Variants in MAGI3 observed in about 807,000 individuals in gnomAD.
MAGI3 encodes membrane associated guanylate kinase, WW and PDZ domain containing 3, also known as membrane-associated guanylate kinase, WW and PDZ domain-containing protein 3.
In MAGI3, 43 loss-of-function variants were observed where a neutral mutation model predicts 121.8. That is an observed-to-expected ratio of 0.35 (90% confidence interval 0.28 to 0.46). The LOEUF (loss-of-function observed/expected upper bound fraction) is 0.46, where lower values mean the gene tolerates loss of function less well. Ranked by LOEUF, MAGI3 falls within the 20% of genes least tolerant of loss-of-function variation. MAGI3 has a pLI of 1.00. For missense variants in MAGI3, 1,547 were observed against 1,797.3 expected, an observed-to-expected ratio of 0.86 and a Z score of 2.52; for synonymous variants, 553 against 639.3, an observed-to-expected ratio of 0.86 and a Z score of 2.04.
rs540266030 is a variant in MAGI3, at chr1:113,637,131, G to A, written c.1361-4780G>A. Among the ~76,000 whole-genome samples, 250 of 152,170 alleles carry A rather than the reference G, an allele frequency of 1.6e-3. 2 individuals carry two copies. The highest frequency in any genetic ancestry group is 5.0e-3 in the African/African-American group (208 of 41,528). ...TTTGAGTCTATGTGTGTCTCTGCACGTGAGATGGGTTTCCTGAATACAGCA... is the reference window on the plus strand; with the variant it reads ...TTTGAGTCTATGTGTGTCTCTGCACATGAGATGGGTTTCCTGAATACAGCA... On this transcript the variant is annotated intron_variant, in intron 9 of 20. Transcript: ENST00000307546.
chr1:113,560,679 T>A (rs1660197724), intron 2 of MAGI3, among the ~76,000 whole-genome samples: 1 of 151,848 alleles, frequency 6.6e-6, no homozygotes, highest in African/African-American at 2.4e-5. Context: ...AGATCTCAAG[T>A]TAACAACCTA....
chr1:113,633,237 CATTTTTTTTTTTTTTTTTTTTT>C (rs1651766651), intron 9 of MAGI3, among the ~76,000 whole-genome samples: 1 of 91,960 alleles, frequency 1.1e-5, no homozygotes, highest in African/African-American at 4.1e-5. Flanking sequence ...ATGAACTCAT[CATTTTTTTTTTTTTTTTTTTTT>C]TTTTTTTTTT....
At chr1:113,598,773 C>G (rs557775800) in intron 6 of MAGI3, among the ~76,000 whole-genome samples, 1 of 152,154 alleles carries the variant, frequency 6.6e-6, no homozygotes, top group East Asian at 1.9e-4. Context: ...ATCATTGGAG[C>G]AGAAAATCAG....
intron 1 of MAGI3, among the ~76,000 whole-genome samples, chr1:113,460,840 T>A (rs1478532463): frequency 1.3e-5 from 2 of 150,104 alleles, no homozygotes; most frequent in African/African-American, 4.9e-5. Context: ...CCCCATAGGC[T>A]CAGCTTGAAA....
intron 1 of MAGI3, among the ~76,000 whole-genome samples, chr1:113,434,951 T>C (rs1653492101): frequency 6.6e-6 from 1 of 152,184 alleles, no homozygotes; most frequent in Admixed American, 6.5e-5. Context: ...CCTTTTAATG[T>C]TATATTCTTG....
rs142390890 is a variant in MAGI3, at chr1:113,393,482, T to G, written c.316+2133T>G. 8.4e-4 allele frequency among the ~76,000 whole-genome samples: 128 copies of G among 152,354 alleles called. 1 individual carries two copies. The East Asian group carries it at 0.023, about 27-fold the overall frequency. On this transcript the variant is annotated intron_variant, in intron 1 of 20. Coordinates refer to ENST00000307546, the MANE Select transcript of MAGI3 (RefSeq NM_001142782.2). The stretch of plus-strand genomic sequence containing the variant: ...TTCTAAGCAGGTTGTAATTTAAAAT[T>G]TTTAATCTCTTTTAAAAATAGTATT...
chr1:113,425,303 G>A (rs1314980685), intron 1 of MAGI3, among the ~76,000 whole-genome samples: 2 of 75,380 alleles, frequency 2.7e-5, no homozygotes, highest in Non-Finnish European at 4.7e-5. Context: ...TTTTTTTTGA[G>A]ACGGAGCCTT....
chr1:113,610,350 C>T lies in MAGI3; in HGVS notation c.1019-4251C>T, dbSNP rs17013328. On this transcript the variant is annotated intron_variant, in intron 6 of 20. Coordinates refer to ENST00000307546, the MANE Select transcript of MAGI3 (RefSeq NM_001142782.2). ...GATGATTCTTACTTTCTCCATCTGCCGCTTAAAATGTTAGTGCTCCTAAGG... is the reference window on the plus strand; with the variant it reads ...GATGATTCTTACTTTCTCCATCTGCTGCTTAAAATGTTAGTGCTCCTAAGG... Among the ~76,000 whole-genome samples, 1,335 of 152,240 alleles carry T rather than the reference C, an allele frequency of 8.8e-3. 21 individuals carry two copies. The highest frequency in any genetic ancestry group is 0.03 in the African/African-American group (1,252 of 41,548).
intron 17 of MAGI3, 97 bp from the exon 18 acceptor site, chr1:113,672,518 G>C: frequency 7.3e-7 from 1 of 1,366,754 alleles, no homozygotes; most frequent in Admixed American, 2.4e-5. Context: ...AGGGAAAATG[G>C]CAAGGTCGAG....
intron 1 of MAGI3, among the ~76,000 whole-genome samples, chr1:113,393,400 TG>T: frequency 6.6e-6 from 1 of 152,326 alleles, no homozygotes; most frequent in East Asian, 1.9e-4. Flanking sequence ...AGAGACACTT[TG>T]TGTCAGTAAT....
At chr1:113,602,952 G>GTATGTGTATGTATACACATATATATA (rs1240001035) in intron 6 of MAGI3, among the ~76,000 whole-genome samples, 19 of 151,618 alleles carry the variant, frequency 1.3e-4, no homozygotes, top group African/African-American at 9.7e-5. Flanking sequence ...CAAAGTGTGT[G>GTATGTGTATGTATACACATATATATA]TATGTGTATG....
chr1:113,575,377 T>C (rs2101710537), intron 2 of MAGI3, among the ~76,000 whole-genome samples: 1 of 152,092 alleles, frequency 6.6e-6, no homozygotes, highest in Admixed American at 6.5e-5. Context: ...GGTTTTTGGG[T>C]GAGCGTCCTT....
At chr1:113,652,547 A>G (rs1053892600) in intron 14 of MAGI3, among the ~76,000 whole-genome samples, 14 of 152,150 alleles carry the variant, frequency 9.2e-5, no homozygotes, top group Non-Finnish European at 1.5e-4. Context: ...TTACAGTAAA[A>G]TTGTGATGTT....
chr1:113,531,105 C>A (rs1658697790), intron 1 of MAGI3, among the ~76,000 whole-genome samples: 1 of 152,020 alleles, frequency 6.6e-6, no homozygotes, highest in Admixed American at 6.5e-5. Context: ...TAACTGAGTC[C>A]ATGTGCATCA....
At chr1:113,628,934 A>G (rs180970714) in intron 9 of MAGI3, among the ~76,000 whole-genome samples, 109 of 152,026 alleles carry the variant, frequency 7.2e-4, no homozygotes, top group African/African-American at 2.4e-3. Flanking sequence ...TATAACCTTC[A>G]TGTGCTTGAA....
chr1:113,458,053 A>T (rs1654842227), intron 1 of MAGI3, among the ~76,000 whole-genome samples: 1 of 152,244 alleles, frequency 6.6e-6, no homozygotes, highest in African/African-American at 2.4e-5. Flanking sequence ...CTTGTGGGCC[A>T]TAAGAAGGAG....
chr1:113,538,812 A>C (rs981651764), intron 1 of MAGI3, among the ~76,000 whole-genome samples: 5 of 152,146 alleles, frequency 3.3e-5, no homozygotes, highest in African/African-American at 1.2e-4. Flanking sequence ...TTAAAAGAGA[A>C]ATGATTGCAA....
chr1:113,522,373 A>G (rs1045293440), intron 1 of MAGI3, among the ~76,000 whole-genome samples: 1 of 152,178 alleles, frequency 6.6e-6, no homozygotes, highest in African/African-American at 2.4e-5. Flanking sequence ...CCAAAGTGCT[A>G]TGATTACAGG....
At chr1:113,616,076 G>A (rs767919357) in intron 7 of MAGI3, among the ~76,000 whole-genome samples, 2 of 152,086 alleles carry the variant, frequency 1.3e-5, no homozygotes, top group Non-Finnish European at 2.9e-5. Context: ...TGGTCAAAAG[G>A]TGAAAGTCAT....
Sources: gnomAD v4.1 joint callset for allele counts (sites outside exome capture counted in the v4.1 genomes callset) on GRCh38, gnomAD v4.1.1 for gene constraint, MANE v1.5 for transcripts, NCBI Gene and HGNC (gene_info 2026-07-23, HGNC 2026-07-21) for gene names.